Variants in HIVEP2 observed in about 807,000 individuals in gnomAD.
HIVEP2 encodes HIVEP zinc finger 2, also known as transcription factor HIVEP2.
HIVEP2 carries 14 observed loss-of-function variants against 180.7 expected under a neutral mutation model. The observed-to-expected ratio is 0.08, with a 90% confidence interval of 0.05 to 0.12. The LOEUF is 0.12. HIVEP2 is among the 10% of genes least tolerant of loss of function. The pLI, the probability that HIVEP2 is intolerant of heterozygous loss-of-function variation, is 1.00. For missense variants in HIVEP2, 2,579 were observed against 3,008.5 expected, an observed-to-expected ratio of 0.86 and a Z score of 3.34; for synonymous variants, 1,184 against 1,136.4, an observed-to-expected ratio of 1.04 and a Z score of -0.84.
intron 2 of HIVEP2, among the ~76,000 whole-genome samples, chr6:142,792,581 G>C (rs938876210): frequency 6.6e-6 from 1 of 152,006 alleles, no homozygotes; most frequent in Non-Finnish European, 1.5e-5. Context: ...ACAAGGGGAG[G>C]GAGAGCATTA....
At chr6:142,933,282 C>T (rs1430729036) in intron 1 of HIVEP2, among the ~76,000 whole-genome samples, 2 of 152,156 alleles carry the variant, frequency 1.3e-5, no homozygotes, top group African/African-American at 2.4e-5. Context: ...CTGATGTATA[C>T]AACTGTGTGG....
At chr6:142,919,712 T>G in intron 1 of HIVEP2, among the ~76,000 whole-genome samples, 1 of 152,228 alleles carries the variant, frequency 6.6e-6, no homozygotes, top group East Asian at 1.9e-4. Flanking sequence ...ACATTATCTA[T>G]GCAAAAATAA....
chr6:142,757,504 C>T (rs1269387399), intron 9 of HIVEP2, among the ~76,000 whole-genome samples: 2 of 151,994 alleles, frequency 1.3e-5, no homozygotes, highest in East Asian at 3.9e-4. Context: ...ACTAAAAATA[C>T]AAAAATTAGC....
At chr6:142,906,133 CA>C (rs970879456) in intron 1 of HIVEP2, among the ~76,000 whole-genome samples, 3 of 150,414 alleles carry the variant, frequency 2.0e-5, no homozygotes, top group African/African-American at 4.9e-5. Context: ...GACTCTGTCT[CA>C]AAAAAAAATT....
intron 9 of HIVEP2, 55 bp from the exon 10 acceptor site, chr6:142,753,986 T>C: frequency 5.5e-6 from 5 of 912,520 alleles, no homozygotes; most frequent in Non-Finnish European, 8.4e-6. Context: ...GCTTCATTCT[T>C]AGGTCAAGCT....
intron 2 of HIVEP2, among the ~76,000 whole-genome samples, chr6:142,833,764 C>T (rs1228912875): frequency 6.6e-6 from 1 of 152,182 alleles, no homozygotes; most frequent in Non-Finnish European, 1.5e-5. Context: ...CTCCACTCAC[C>T]TAAGCTAGAA....
intron 6 of HIVEP2, among the ~76,000 whole-genome samples, chr6:142,765,927 G>T (rs1775370906): frequency 6.6e-6 from 1 of 152,060 alleles, no homozygotes; most frequent in South Asian, 2.1e-4. Context: ...TAGAATTTTG[G>T]GTCTAATGTT....
chr6:142,907,303 C>T (rs1777288875), intron 1 of HIVEP2, among the ~76,000 whole-genome samples: 1 of 152,146 alleles, frequency 6.6e-6, no homozygotes, highest in African/African-American at 2.4e-5. Flanking sequence ...CTTACAACCA[C>T]CTGACGAAAA....
At chr6:142,832,727 G>A (rs559936339) in intron 2 of HIVEP2, among the ~76,000 whole-genome samples, 4 of 152,288 alleles carry the variant, frequency 2.6e-5, no homozygotes, top group Non-Finnish European at 4.4e-5. Flanking sequence ...CAAGGGAACC[G>A]GAACTCCAGA....
Position 142,770,038 on chromosome 6 carries a change from A to C in HIVEP2, c.4701T>G (p.Asp1567Glu). ...SGPSESKESS[D>E]ELDIDETASD... ...ATGCCGTCTCATCGATATCTAATTCATCTGAAGATTCTTTGCTTTCAGAAG... is the reference window on the plus strand; with the variant it reads ...ATGCCGTCTCATCGATATCTAATTCCTCTGAAGATTCTTTGCTTTCAGAAG... Residue 1567 changes from aspartate (D) to glutamate (E), a missense_variant, in exon 5 of 10, where the codon GAT becomes GAG. Coordinates refer to ENST00000367603, the MANE Select transcript of HIVEP2 (RefSeq NM_006734.4). This position sits in a 1 kb window ranked among gnomAD's most constrained non-coding sequence, Gnocchi z 4.7. 1 of 1,614,120 alleles carries C rather than the reference A, an allele frequency of 6.2e-7. No individual in the cohort carries two copies. Among genetic ancestry groups the C allele is most frequent in the Non-Finnish European group, 8.5e-7 (1 of 1,180,034 alleles).
At chr6:142,871,380 T>C (rs1187767400) in intron 1 of HIVEP2, among the ~76,000 whole-genome samples, 1 of 152,006 alleles carries the variant, frequency 6.6e-6, no homozygotes, top group African/African-American at 2.4e-5. Flanking sequence ...CCCAGGGTTC[T>C]TGCTTATTCA....
chr6:142,780,876 A>T (rs1000020263), intron 3 of HIVEP2, among the ~76,000 whole-genome samples: 1 of 152,220 alleles, frequency 6.6e-6, no homozygotes, highest in African/African-American at 2.4e-5. Context: ...TTACTAAGCA[A>T]CTTAACTCTT....
chr6:142,810,867 A>C (rs1329958236), intron 2 of HIVEP2, among the ~76,000 whole-genome samples: 1 of 152,080 alleles, frequency 6.6e-6, no homozygotes, highest in Non-Finnish European at 1.5e-5. Flanking sequence ...TTTCTGCTTC[A>C]TGGTTTTCCA....
intron 9 of HIVEP2, among the ~76,000 whole-genome samples, chr6:142,754,373 C>A (rs1775009901): frequency 6.6e-6 from 1 of 151,642 alleles, no homozygotes; most frequent in East Asian, 1.9e-4. Flanking sequence ...CTATACTGGA[C>A]AGATTTTTAA....
chr6:142,762,898 T>C (rs1367045239), intron 7 of HIVEP2, among the ~76,000 whole-genome samples: 4 of 152,240 alleles, frequency 2.6e-5, no homozygotes, highest in Non-Finnish European at 5.9e-5. Flanking sequence ...TCAAAACTTA[T>C]ATCTACCATT....
rs191960911 is a variant in HIVEP2 at position 142,940,904 on chromosome 6, C to T, written c.-641+4195G>A. Among the ~76,000 whole-genome samples the T allele has an allele frequency of 1.8e-4, 27 of 152,204 alleles. No individual in the cohort carries two copies. In the East Asian group the frequency reaches 4.2e-3, roughly 24 times the overall value. ...AGGTGAGACCCCCTCTGCTTTCTGC[C>T]GAGAATCACCCTCAGGCACATAAAC... On this transcript the variant is annotated intron_variant, in intron 1 of 9. Coordinates refer to ENST00000367603, the MANE Select transcript of HIVEP2 (RefSeq NM_006734.4).
chr6:142,913,457 CT>C (rs1415284429), intron 1 of HIVEP2, among the ~76,000 whole-genome samples: 1 of 152,240 alleles, frequency 6.6e-6, no homozygotes, highest in Non-Finnish European at 1.5e-5. Flanking sequence ...AGTTATCACA[CT>C]GGTACTTCAC....
intron 2 of HIVEP2, among the ~76,000 whole-genome samples, chr6:142,810,743 C>G (rs1194090785): frequency 1.7e-5 from 2 of 115,554 alleles, no homozygotes; most frequent in Non-Finnish European, 3.3e-5. Context: ...GCCTGGGCAA[C>G]AGAGTAAGAC....
intron 2 of HIVEP2, among the ~76,000 whole-genome samples, chr6:142,832,354 A>G (rs1020948706): frequency 1.3e-5 from 2 of 152,200 alleles, no homozygotes; most frequent in Admixed American, 6.5e-5. Flanking sequence ...GTGCAGGCAT[A>G]TGACAGGAAA....
Sources: gnomAD v4.1 joint callset for allele counts (sites outside exome capture counted in the v4.1 genomes callset) on GRCh38, gnomAD v4.1.1 for gene constraint, Gnocchi (gnomAD v3.1) non-coding constraint, MANE v1.5 for transcripts, NCBI Gene and HGNC (gene_info 2026-07-23, HGNC 2026-07-21) for gene names.